The following GABRA2 variants were observed in gnomAD, a reference collection of about 807,000 sequenced individuals.
GABRA2 encodes gamma-aminobutyric acid type A receptor subunit alpha2.
GABRA2 carries 16 observed loss-of-function variants against 48.7 expected under a neutral mutation model. That is an observed-to-expected ratio of 0.33 (90% CI 0.22 to 0.50). The LOEUF (loss-of-function observed/expected upper bound fraction) is 0.50. GABRA2 is among the 20% of genes least tolerant of loss of function. The pLI is 0.98. For synonymous variants in GABRA2, 185 were observed against 184.5 expected (o/e 1.00, Z -0.02); for missense variants, 275 against 535.6 (o/e 0.51, Z 4.80).
chr4:46,296,691 G>T (rs956025045), intron 8 of GABRA2, among the ~76,000 whole-genome samples: 4 of 150,936 alleles, frequency 2.7e-5, no homozygotes, highest in African/African-American at 9.7e-5. Flanking sequence ...CTGCTGAGGT[G>T]CTTGCTGAAG....
chr4:46,353,696 AT>A (rs1735518612), intron 3 of GABRA2, among the ~76,000 whole-genome samples: 1 of 152,080 alleles, frequency 6.6e-6, no homozygotes, highest in African/African-American at 2.4e-5. Context: ...TCAAATTTCT[AT>A]AAGCCCTCAT....
At chr4:46,275,038 T>C (rs1720213731) in intron 8 of GABRA2, among the ~76,000 whole-genome samples, 1 of 152,074 alleles carries the variant, frequency 6.6e-6, no homozygotes, top group African/African-American at 2.4e-5. Flanking sequence ...TTTCCCACCT[T>C]GGGAAAGAAT....
chr4:46,284,115 T>C (rs1347783264), intron 8 of GABRA2, among the ~76,000 whole-genome samples: 1 of 151,472 alleles, frequency 6.6e-6, no homozygotes, highest in Non-Finnish European at 1.5e-5. Flanking sequence ...ATACTCAATA[T>C]AATATTAAGA....
At chr4:46,345,006 G>A (rs576120003) in intron 3 of GABRA2, among the ~76,000 whole-genome samples, 3 of 151,860 alleles carry the variant, frequency 2.0e-5, no homozygotes, top group Non-Finnish European at 4.4e-5. Flanking sequence ...TAATTCCCAA[G>A]TGTCAAGGGT....
chr4:46,325,969 T>C (rs1730300349), intron 4 of GABRA2, among the ~76,000 whole-genome samples: 6 of 152,042 alleles, frequency 3.9e-5, no homozygotes, highest in Admixed American at 1.3e-4. Flanking sequence ...TTTTGGTTAC[T>C]GCAGCCTTGT....
chr4:46,366,948 G>C (rs2109982977), intron 3 of GABRA2: 1 of 152,066 alleles, frequency 6.6e-6, no homozygotes, highest in South Asian at 2.1e-4. Context: ...TTTGTTGTGG[G>C]GTTAGAAGGC....
intron 3 of GABRA2, chr4:46,365,849 A>G (rs899971663): frequency 6.6e-6 from 1 of 152,104 alleles, no homozygotes; most frequent in Admixed American, 6.6e-5. Flanking sequence ...AAGCAGTTGT[A>G]ACTCAATGCA....
intron 6 of GABRA2, among the ~76,000 whole-genome samples, chr4:46,307,774 T>C (rs997477398): frequency 6.6e-6 from 1 of 152,204 alleles, no homozygotes; most frequent in East Asian, 1.9e-4. Flanking sequence ...ACATGTCTTT[T>C]GAAAAAGCAG....
chr4:46,341,073 T>C (rs1733136487), intron 3 of GABRA2, among the ~76,000 whole-genome samples: 2 of 152,000 alleles, frequency 1.3e-5, no homozygotes, highest in African/African-American at 4.8e-5. Context: ...TATGAGATCC[T>C]TTAAAAAATA....
chr4:46,351,058 G>A (rs1364864194), intron 3 of GABRA2, among the ~76,000 whole-genome samples: 1 of 151,690 alleles, frequency 6.6e-6, no homozygotes. Context: ...TTCTGCTTTA[G>A]GAGCCTTTCC....
chr4:46,361,412 G>A (rs1435749545), intron 3 of GABRA2, among the ~76,000 whole-genome samples: 2 of 152,202 alleles, frequency 1.3e-5, no homozygotes, highest in African/African-American at 4.8e-5. Flanking sequence ...CTTCCACATG[G>A]TGTTGAGTCT....
chr4:46,385,214 C>A (rs1280702676), intron 3 of GABRA2, among the ~76,000 whole-genome samples: 6 of 151,406 alleles, frequency 4.0e-5, no homozygotes, highest in Non-Finnish European at 5.9e-5. Context: ...AGTCACCAAA[C>A]CCGGCAATAA....
chr4:46,265,543 C>T (rs1718044379), intron 8 of GABRA2, among the ~76,000 whole-genome samples: 1 of 139,072 alleles, frequency 7.2e-6, no homozygotes, highest in Non-Finnish European at 1.5e-5. Flanking sequence ...ATCTTCTTTC[C>T]TGATTTTAGT....
Position 46,303,532 on chromosome 4 carries a change from T to C in GABRA2, c.784A>G (p.Ile262Val), listed in dbSNP as rs1455028211. Residue 262 changes from isoleucine (I) to valine (V), a missense_variant, in exon 8 of 10, where the codon ATC becomes GTC. By Grantham distance (29) the Ile-to-Val change is conservative (BLOSUM62 3). Transcript: ENST00000381620. ...ACTTGGGAGAGAATGACAGTCATGA[T>C]GCAAGGCAGATAGGTTTGAATCACA... ...YFVIQTYLPC[I>V]MTVILSQVSF... 6.2e-7 allele frequency: 1 copy of C among 1,614,122 alleles called. No individual in the cohort carries two copies. The highest frequency in any genetic ancestry group is 1.7e-5 in the Admixed American group (1 of 60,020).
intron 8 of GABRA2, among the ~76,000 whole-genome samples, chr4:46,272,411 C>A (rs1452587637): frequency 6.6e-6 from 1 of 151,890 alleles, no homozygotes; most frequent in Non-Finnish European, 1.5e-5. Flanking sequence ...AGGATAATTG[C>A]AAGAAACCTA....
chr4:46,326,950 A>G (rs1730490884), intron 4 of GABRA2, among the ~76,000 whole-genome samples: 1 of 151,600 alleles, frequency 6.6e-6, no homozygotes, highest in South Asian at 2.1e-4. Context: ...ATGTCATTCT[A>G]TACTTCTTCT....
chr4:46,363,484 A>C (rs1713547542), intron 3 of GABRA2, among the ~76,000 whole-genome samples: 1 of 152,172 alleles, frequency 6.6e-6, no homozygotes, highest in South Asian at 2.1e-4. Flanking sequence ...GAGAAGAAAG[A>C]GACAGCAACA....
chr4:46,261,671 AG>A (rs1717008853), intron 9 of GABRA2: 1 of 568,056 alleles, frequency 1.8e-6, no homozygotes, highest in African/African-American at 1.9e-5. Context: ...TATGTGAGAG[AG>A]CATATGTAAA....
intron 3 of GABRA2, among the ~76,000 whole-genome samples, chr4:46,381,813 A>G (rs1716793781): frequency 6.6e-6 from 1 of 152,178 alleles, no homozygotes; most frequent in Non-Finnish European, 1.5e-5. Context: ...TGGTGTAATA[A>G]TTATCCCAAT....
Sources: allele counts gnomAD v4.1 joint callset (sites outside exome capture counted in the v4.1 genomes callset), GRCh38; gene constraint gnomAD v4.1.1; transcripts MANE v1.5; gene names NCBI Gene and HGNC (gene_info 2026-07-23, HGNC 2026-07-21).